IQCH: variants seen among roughly 807,000 people sequenced by gnomAD.
The protein encoded by IQCH is IQ motif containing H.
In IQCH, 98 loss-of-function variants were observed where a neutral mutation model predicts 117.0. The observed-to-expected ratio is 0.84, with a 90% CI of 0.71 to 0.99. IQCH has a LOEUF of 0.99. Ranked by LOEUF, IQCH falls within the 50% of genes least tolerant of loss-of-function variation. IQCH has a pLI of 0.00. For synonymous variants in IQCH, 412 were observed against 448.2 expected (o/e 0.92, Z 1.02); for missense variants, 1,102 against 1,243.8 (o/e 0.89, Z 1.72).
rs978167636 is a variant in IQCH, at chr15:67,453,094, C to T, written c.2506-12033C>T. The stretch of plus-strand genomic sequence containing the variant: ...GCTCCATCAGGTCCTTTAAGGACTT[C>T]TCTGCATTGGTTATTCTAGTTATCC... On this transcript the variant is annotated intron_variant, in intron 16 of 20. Transcript: ENST00000335894. This position sits in a 1 kb window ranked among gnomAD's most constrained non-coding sequence, Gnocchi z 5.8. Among the ~76,000 whole-genome samples, 2 of 152,166 alleles carry T rather than the reference C, an allele frequency of 1.3e-5. No individual in the cohort carries two copies. Among genetic ancestry groups the T allele is most frequent in the Admixed American group, 1.3e-4 (2 of 15,266 alleles).
chr15:67,307,974 T>G (rs1465433599), intron 4 of IQCH, among the ~76,000 whole-genome samples: 1 of 152,194 alleles, frequency 6.6e-6, no homozygotes, highest in Non-Finnish European at 1.5e-5. Context: ...AGGGGTGCAG[T>G]TGAGGCAGAC....
At chr15:67,399,578 T>C (rs1332544136) in intron 13 of IQCH, among the ~76,000 whole-genome samples, 2 of 152,216 alleles carry the variant, frequency 1.3e-5, no homozygotes, top group Non-Finnish European at 2.9e-5. Flanking sequence ...ATATCACACA[T>C]ATACTAAACT....
rs1971273287 is a variant in IQCH, at chr15:67,391,150, G to A, written c.1632+2144G>A. ...TGGCTTCTAGTGGACTAGAAGCCAG[G>A]AGACAGGCACTCACAGATGCACATA... On this transcript the variant is annotated intron_variant, in intron 12 of 20. Transcript: ENST00000335894. This position sits in a 1 kb window ranked among gnomAD's most constrained non-coding sequence, Gnocchi z 4.3. 6.6e-6 allele frequency among the ~76,000 whole-genome samples: 1 copy of A among 152,112 alleles called. No individual in the cohort carries two copies. Among genetic ancestry groups the A allele is most frequent in the Non-Finnish European group, 1.5e-5 (1 of 68,020 alleles).
chr15:67,391,137 G>C lies in IQCH; in HGVS notation c.1632+2131G>C, dbSNP rs540239494. On this transcript the variant is annotated intron_variant, in intron 12 of 20. Transcript: ENST00000335894. The surrounding 1 kb of genome is among the most constrained non-coding windows in gnomAD (Gnocchi z 4.3). ...TGCTAGTCCACTCTGGCTTCTAGTG[G>C]ACTAGAAGCCAGGAGACAGGCACTC... Among the ~76,000 whole-genome samples, 1 of 152,076 alleles carries C rather than the reference G, an allele frequency of 6.6e-6. No homozygotes were observed. The highest frequency in any genetic ancestry group is 2.1e-4 in the South Asian group (1 of 4,818).
At chr15:67,410,552 T>C (rs2081423478) in intron 14 of IQCH, among the ~76,000 whole-genome samples, 1 of 152,246 alleles carries the variant, frequency 6.6e-6, no homozygotes, top group Admixed American at 6.5e-5. Context: ...AAGTGCTTCC[T>C]AATATTTGAT....
chr15:67,301,076 C>T (rs1372618615), intron 4 of IQCH, among the ~76,000 whole-genome samples: 1 of 152,078 alleles, frequency 6.6e-6, no homozygotes, highest in Non-Finnish European at 1.5e-5. Flanking sequence ...TTTAGATTGT[C>T]TAGTGACTCA....
intron 4 of IQCH, among the ~76,000 whole-genome samples, chr15:67,282,410 T>A (rs1175830690): frequency 6.6e-6 from 1 of 151,924 alleles, no homozygotes; most frequent in Non-Finnish European, 1.5e-5. Context: ...CTCTGAATCC[T>A]GGCTAATGTT....
In IQCH at chr15:67,363,763, G is replaced by A. The variant is rs746450272; in HGVS notation, c.753+3878G>A. On this transcript the variant is annotated intron_variant, in intron 8 of 20. Coordinates refer to ENST00000335894, the MANE Select transcript of IQCH (RefSeq NM_001031715.3). ...GTCATTCCCTTCTTTGTGTCCATGTGTACTCAATGTTTAGCTCCTACTTAT... is the reference window on the plus strand; with the variant it reads ...GTCATTCCCTTCTTTGTGTCCATGTATACTCAATGTTTAGCTCCTACTTAT... Among the ~76,000 whole-genome samples the A allele has an allele frequency of 2.0e-5, 3 of 151,996 alleles. No individual in the cohort carries two copies. The East Asian group carries it at 5.8e-4, about 29-fold the overall frequency.
rs1359482658 is a variant in IQCH at position 67,376,385 on chromosome 15, A to G, written c.1372+2952A>G. On this transcript the variant is annotated intron_variant, in intron 10 of 20. Transcript: ENST00000335894. The surrounding 1 kb of genome is among the most constrained non-coding windows in gnomAD (Gnocchi z 5.0). The stretch of plus-strand genomic sequence containing the variant: ...TACTGGAAGAAAACTAATCTATTCA[A>G]TCTAGTAATTTCATTTCCAAAGTTG... Among the ~76,000 whole-genome samples the G allele has an allele frequency of 6.6e-6, 1 of 152,228 alleles. No individual in the cohort carries two copies. Among genetic ancestry groups the G allele is most frequent in the Non-Finnish European group, 1.5e-5 (1 of 68,034 alleles).
intron 5 of IQCH, among the ~76,000 whole-genome samples, chr15:67,338,040 G>A (rs887712078): frequency 3.3e-5 from 5 of 152,168 alleles, no homozygotes; most frequent in African/African-American, 9.7e-5. Flanking sequence ...CAATCTTTGT[G>A]ACATATGCTT....
intron 4 of IQCH, among the ~76,000 whole-genome samples, chr15:67,322,951 C>A (rs1033802957): frequency 6.6e-6 from 1 of 152,114 alleles, no homozygotes; most frequent in Non-Finnish European, 1.5e-5. Flanking sequence ...ATGTAAAAAA[C>A]CAATTAGGAA....
At chr15:67,259,468 A>G (rs1045515158) in intron 1 of IQCH, among the ~76,000 whole-genome samples, 21 of 152,256 alleles carry the variant, frequency 1.4e-4, no homozygotes, top group African/African-American at 4.8e-4. Context: ...CTAATAAGTG[A>G]TAGAGCTAGA....
chr15:67,331,311 A>T (rs1033830818), intron 4 of IQCH, among the ~76,000 whole-genome samples: 1 of 152,168 alleles, frequency 6.6e-6, no homozygotes, highest in African/African-American at 2.4e-5. Context: ...TACAACTTAA[A>T]GAGAACATAA....
intron 20 of IQCH, among the ~76,000 whole-genome samples, chr15:67,495,087 T>C (rs921365072): frequency 6.6e-6 from 1 of 152,222 alleles, no homozygotes; most frequent in African/African-American, 2.4e-5. Context: ...TAGGCCTTCA[T>C]TAATTCAAAG....
intron 18 of IQCH, among the ~76,000 whole-genome samples, chr15:67,487,429 AACACACACAC>A (rs111875205): frequency 1.1e-4 from 17 of 148,198 alleles, no homozygotes; most frequent in African/African-American, 4.0e-4. Context: ...ACTTAAGGAA[AACACACACAC>A]ACACACACAC....
At chr15:67,382,507 A>C (rs1488634171) in intron 10 of IQCH, among the ~76,000 whole-genome samples, 5 of 152,256 alleles carry the variant, frequency 3.3e-5, no homozygotes, top group Non-Finnish European at 5.9e-5. Flanking sequence ...TTGAAGGGCC[A>C]TTATTCTGCC....
At chr15:67,298,178 G>T (rs1012217824) in intron 4 of IQCH, among the ~76,000 whole-genome samples, 2 of 150,824 alleles carry the variant, frequency 1.3e-5, no homozygotes, top group African/African-American at 4.9e-5. Flanking sequence ...GTGTGGTGTC[G>T]TAGCCTGTAA....
chr15:67,498,400 G>A (rs1476224247), intron 20 of IQCH, among the ~76,000 whole-genome samples: 1 of 152,066 alleles, frequency 6.6e-6, no homozygotes, highest in Non-Finnish European at 1.5e-5. Flanking sequence ...TGGATCACCT[G>A]AGGTCAGGAG....
intron 18 of IQCH, among the ~76,000 whole-genome samples, chr15:67,485,125 A>G (rs2083440568): frequency 6.6e-6 from 1 of 152,180 alleles, no homozygotes; most frequent in Non-Finnish European, 1.5e-5. Context: ...TTCTATTTCC[A>G]GCAGGAATAG....
Sources: gnomAD v4.1 joint callset for allele counts (sites outside exome capture counted in the v4.1 genomes callset) on GRCh38, gnomAD v4.1.1 for gene constraint, Gnocchi (gnomAD v3.1) non-coding constraint, MANE v1.5 for transcripts, NCBI Gene and HGNC (gene_info 2026-07-23, HGNC 2026-07-21) for gene names.